The following TGIF1 variants were observed in gnomAD, a reference collection of about 807,000 sequenced individuals.
TGIF1 encodes the protein homeobox protein TGIF1.
TGIF1 carries 4 observed loss-of-function variants against 19.3 expected under a neutral mutation model. The ratio of observed to expected loss-of-function variants is 0.21; its 90% CI spans 0.10 to 0.47. The LOEUF is 0.47. TGIF1 is among the 20% of genes least tolerant of loss of function. The pLI is 0.98. For missense variants in TGIF1, 275 were observed against 341.4 expected, an observed-to-expected ratio of 0.81 and a Z score of 1.53; for synonymous variants, 122 against 129.3, an observed-to-expected ratio of 0.94 and a Z score of 0.38.
chr18:3,423,558 G>A (rs2082434088), intron 2 of TGIF1, among the ~76,000 whole-genome samples: 5 of 152,110 alleles, frequency 3.3e-5, no homozygotes, highest in Admixed American at 3.3e-4. Flanking sequence ...TCGGGCGCCT[G>A]TGATCCCAGC....
chr18:3,448,109 G>GT (rs5822762), upstream of TGIF1: 602,363 of 983,948 alleles, frequency 0.61, 186,114 homozygotes, highest in African/African-American at 0.65. Context: ...CCGAAGGCGT[G>GT]TTTTGTGGAG....
chr18:3,424,721 A>G (rs774576495), intron 2 of TGIF1, among the ~76,000 whole-genome samples: 15 of 152,158 alleles, frequency 9.9e-5, no homozygotes, highest in Non-Finnish European at 1.6e-4. Context: ...CCAATGGCCA[A>G]TGATGTAATC....
chr18:3,454,911 A>G (rs563609424), intron 1 of TGIF1, among the ~76,000 whole-genome samples: 48 of 152,324 alleles, frequency 3.2e-4, no homozygotes, highest in Middle Eastern at 3.4e-3. Flanking sequence ...TGTGTCACCA[A>G]GTCAGAGTCA....
In TGIF1 at chr18:3,436,329, C is replaced by T. The variant is rs139032139; in HGVS notation, c.-45+18114C>T. On this transcript the variant is annotated intron_variant, in intron 2 of 3. Transcript: ENST00000401449. ...TAAAAACAGTGAAGAGCCATAATCCCACAACTTGGGCATAAGCATTATTTA... is the reference window on the plus strand; with the variant it reads ...TAAAAACAGTGAAGAGCCATAATCCTACAACTTGGGCATAAGCATTATTTA... Among the ~76,000 whole-genome samples the T allele has an allele frequency of 2.6e-5, 4 of 152,292 alleles. No individual in the cohort carries two copies. In the East Asian group the frequency reaches 7.7e-4, roughly 29 times the overall value.
chr18:3,438,228 C>G (rs1347476454), intron 2 of TGIF1, among the ~76,000 whole-genome samples: 1 of 151,926 alleles, frequency 6.6e-6, no homozygotes. Context: ...CAATCTAGAC[C>G]CTGCTTTTGA....
At chr18:3,427,820 G>A (rs1430080423) in intron 2 of TGIF1, among the ~76,000 whole-genome samples, 1 of 151,554 alleles carries the variant, frequency 6.6e-6, no homozygotes, top group Non-Finnish European at 1.5e-5. Context: ...GGATGGTCTC[G>A]AACTCTTGAC....
chr18:3,432,358 A>G (rs555582207), intron 2 of TGIF1, among the ~76,000 whole-genome samples: 167 of 152,302 alleles, frequency 1.1e-3, no homozygotes, highest in African/African-American at 3.9e-3. Flanking sequence ...CTTACTCAAT[A>G]CAGTGCGTGA....
intron 2 of TGIF1, among the ~76,000 whole-genome samples, chr18:3,441,874 A>G (rs1156920101): frequency 6.6e-6 from 1 of 152,192 alleles, no homozygotes; most frequent in East Asian, 1.9e-4. Context: ...TTACATTTAA[A>G]TTATAGACTT....
upstream of TGIF1, among the ~76,000 whole-genome samples, chr18:3,445,462 C>T (rs555303416): frequency 3.9e-5 from 6 of 151,990 alleles, no homozygotes; most frequent in South Asian, 6.3e-4. Flanking sequence ...TAGTGGCTCA[C>T]GCCTGTAATC....
In TGIF1 at chr18:3,450,205, C is replaced by G. The variant is rs1304092299; in HGVS notation, c.-285C>G. 6 of 1,379,330 alleles carry G rather than the reference C, an allele frequency of 4.3e-6. No homozygotes were observed. The highest frequency in any genetic ancestry group is 5.6e-6 in the Non-Finnish European group (6 of 1,067,164). The allele number at this position is 1,379,330 out of a possible 1,614,324, so 85.4% of individuals were successfully genotyped here. On this transcript the variant is annotated 5_prime_UTR_variant, in exon 1 of 3. Coordinates refer to ENST00000343820, the MANE Select transcript of TGIF1 (RefSeq NM_003244.4). ...AGCGCCGAGGTGCGCCGAGCAGGAG[C>G]AGGGAACAAAGGAGCGGAGAGGGGA...
rs2082864855 is a variant in TGIF1 at position 3,450,335 on chromosome 18, G to A, written c.-155G>A. On this transcript the variant is annotated 5_prime_UTR_variant, in exon 1 of 3. Transcript: ENST00000343820. ...ATTCCACCCAAGGAGCGGGCGCCTG[G>A]GATCAGAGCGTCCTGTTTAGCAATA... The A allele has an allele frequency of 4.8e-6, 7 of 1,467,118 alleles. No individual in the cohort carries two copies. Among genetic ancestry groups the A allele is most frequent in the Non-Finnish European group, 6.3e-6 (7 of 1,106,176 alleles). 90.9% of individuals were successfully genotyped at this position (1,467,118 alleles called of 1,614,324 possible).
chr18:3,430,772 A>G lies in TGIF1; in HGVS notation c.-45+12557A>G, dbSNP rs1035397160. 5.3e-5 allele frequency among the ~76,000 whole-genome samples: 8 copies of G among 150,858 alleles called. No individual in the cohort carries two copies. The East Asian group carries it at 1.4e-3, about 26-fold the overall frequency. ...GCTTATCCTCCTGCCTCAGCCTCCC[A>G]AAATGCTGGGATTATAGGCACAAGC... On this transcript the variant is annotated intron_variant, in intron 2 of 3. Transcript: ENST00000401449.
chr18:3,413,840 TA>T (rs1467283075), intron 1 of TGIF1, among the ~76,000 whole-genome samples: 1 of 152,232 alleles, frequency 6.6e-6, no homozygotes, highest in African/African-American at 2.4e-5. Flanking sequence ...GCTGCCGTAA[TA>T]AAAATAACAA....
chr18:3,459,371 T>A lies in TGIF1; in HGVS notation c.*1431T>A, dbSNP rs2049455301. The A allele has an allele frequency of 6.6e-6, 1 of 152,158 alleles. No individual in the cohort carries two copies. The highest frequency in any genetic ancestry group is 2.4e-5 in the African/African-American group (1 of 41,426). 9.4% of individuals were successfully genotyped at this position (152,158 alleles called of 1,614,324 possible). On this transcript the variant is annotated 3_prime_UTR_variant, in exon 3 of 3. Coordinates refer to ENST00000343820, the MANE Select transcript of TGIF1 (RefSeq NM_003244.4). Reference sequence around the variant, plus strand: ...TTCCTTGTAAGTGAAAGAAAAAAACTGCTGATGATTACCAAGAGGCGTAAG... The same window carrying A: ...TTCCTTGTAAGTGAAAGAAAAAAACAGCTGATGATTACCAAGAGGCGTAAG...
chr18:3,432,620 A>G (rs2082563087), intron 2 of TGIF1, among the ~76,000 whole-genome samples: 1 of 152,212 alleles, frequency 6.6e-6, no homozygotes, highest in African/African-American at 2.4e-5. Flanking sequence ...CAGGAATAAA[A>G]GACATATATG....
chr18:3,450,564 C>T (rs1244543778), intron 1 of TGIF1, 59 bp downstream of exon 1: 2 of 1,549,974 alleles, frequency 1.3e-6, no homozygotes, highest in African/African-American at 1.4e-5. Flanking sequence ...ACGTGCTGGC[C>T]GGGCCGCGCC....
chr18:3,447,532 T>C, upstream of TGIF1: 4 of 663,200 alleles, frequency 6.0e-6, no homozygotes, highest in South Asian at 6.6e-5. Flanking sequence ...GCTGTTCCCT[T>C]TGTTACGTTG....
At chr18:3,428,851 G>T (rs1391538382) in intron 2 of TGIF1, among the ~76,000 whole-genome samples, 1 of 151,994 alleles carries the variant, frequency 6.6e-6, no homozygotes, top group Non-Finnish European at 1.5e-5. Context: ...AGAACAGCCT[G>T]GGCAACACGG....
chr18:3,445,723 CAAAAAAAAAAAAA>C (rs141550400), upstream of TGIF1, among the ~76,000 whole-genome samples: 1,046 of 17,714 alleles, frequency 0.059, 13 homozygotes, highest in South Asian at 0.099. Flanking sequence ...GACTCTGTCT[CAAAAAAAAAAAAA>C]AAAAAAAAAA....
Sources: gnomAD v4.1 joint callset for allele counts (sites outside exome capture counted in the v4.1 genomes callset) on GRCh38, gnomAD v4.1.1 for gene constraint, MANE v1.5 for transcripts, NCBI Gene and HGNC (gene_info 2026-07-23, HGNC 2026-07-21) for gene names.